CSMD1: variants seen among roughly 807,000 people sequenced by gnomAD.
CSMD1 encodes the protein CUB and Sushi multiple domains 1.
A neutral mutation model predicts 417.5 loss-of-function variants in CSMD1; 213 were observed. The observed-to-expected ratio is 0.51, with a 90% CI of 0.46 to 0.57. The LOEUF (loss-of-function observed/expected upper bound fraction) is 0.57, where lower values mean the gene tolerates loss of function less well. Ranked by LOEUF, CSMD1 falls within the 20% of genes least tolerant of loss-of-function variation. The pLI is 0.00. For missense variants in CSMD1, 6,923 were observed against 4,529.7 expected (o/e 1.53, Z -15.17); for synonymous variants, 2,862 against 1,736.8 (o/e 1.65, Z -16.11).
At chr8:3,970,348 G>A (rs941123868) in intron 5 of CSMD1, among the ~76,000 whole-genome samples, 3 of 152,102 alleles carry the variant, frequency 2.0e-5, no homozygotes, top group African/African-American at 2.4e-5. Context: ...GCATAAGATC[G>A]CAGCAGCTCA....
At chr8:3,032,266 A>G (rs188760678) in intron 50 of CSMD1, among the ~76,000 whole-genome samples, 4 of 152,152 alleles carry the variant, frequency 2.6e-5, no homozygotes, top group Admixed American at 2.6e-4. Context: ...ATACAAAAAA[A>G]ACTGAGTTTG....
chr8:4,719,691 A>C (rs1808925422), intron 1 of CSMD1, among the ~76,000 whole-genome samples: 1 of 152,162 alleles, frequency 6.6e-6, no homozygotes, highest in Non-Finnish European at 1.5e-5. Flanking sequence ...AAGTAATTTG[A>C]TTTATGTATT....
chr8:4,309,401 T>C (rs1372429714), intron 3 of CSMD1, among the ~76,000 whole-genome samples: 1 of 152,138 alleles, frequency 6.6e-6, no homozygotes, highest in East Asian at 1.9e-4. Flanking sequence ...CCTCAAAAGC[T>C]TTGGAAATTT....
chr8:3,283,276 C>T (rs527976528), intron 26 of CSMD1, among the ~76,000 whole-genome samples: 131 of 152,174 alleles, frequency 8.6e-4, no homozygotes, highest in African/African-American at 3.1e-3. Context: ...AGAGAGACTT[C>T]ATTACATAAA....
At chr8:4,052,675 A>T (rs1015115968) in intron 3 of CSMD1, among the ~76,000 whole-genome samples, 1 of 152,206 alleles carries the variant, frequency 6.6e-6, no homozygotes, top group African/African-American at 2.4e-5. Flanking sequence ...GAATCATCCC[A>T]TAATAAGTAA....
At chr8:3,567,591 G>C (rs976779669) in intron 10 of CSMD1, among the ~76,000 whole-genome samples, 1 of 151,648 alleles carries the variant, frequency 6.6e-6, no homozygotes, top group Non-Finnish European at 1.5e-5. Flanking sequence ...AGGAAGGAAA[G>C]GGAGAAAGAA....
At chr8:4,419,700 C>T (rs1797139505) in intron 3 of CSMD1, among the ~76,000 whole-genome samples, 1 of 152,072 alleles carries the variant, frequency 6.6e-6, no homozygotes, top group South Asian at 2.1e-4. Flanking sequence ...TTATTCGCTA[C>T]AAATTAACCA....
At chr8:3,557,997 CCTGTGT>C (rs1799231736) in intron 10 of CSMD1, among the ~76,000 whole-genome samples, 1 of 151,918 alleles carries the variant, frequency 6.6e-6, no homozygotes, top group Non-Finnish European at 1.5e-5. Flanking sequence ...TCAGTGGTAC[CCTGTGT>C]CCACTCCTCC....
intron 1 of CSMD1, among the ~76,000 whole-genome samples, chr8:4,972,563 G>C (rs1413056287): frequency 1.3e-5 from 2 of 152,106 alleles, no homozygotes; most frequent in Admixed American, 6.5e-5. Context: ...GGAACTGTGA[G>C]TCAATTAAAT....
intron 1 of CSMD1, among the ~76,000 whole-genome samples, chr8:4,842,397 T>C (rs776115192): frequency 1.3e-5 from 2 of 152,240 alleles, no homozygotes. Flanking sequence ...CCTTTTGCAA[T>C]CTTTAAAACT....
chr8:3,231,186 G>C (rs530304786), intron 26 of CSMD1, among the ~76,000 whole-genome samples: 1 of 152,016 alleles, frequency 6.6e-6, no homozygotes, highest in Non-Finnish European at 1.5e-5. Flanking sequence ...ATTATGTGTC[G>C]CACTGAAAAT....
intron 37 of CSMD1, among the ~76,000 whole-genome samples, chr8:3,164,726 G>C (rs1411957838): frequency 2.0e-5 from 3 of 152,082 alleles, no homozygotes; most frequent in African/African-American, 7.2e-5. Context: ...GACACACCAG[G>C]TGACACAGAA....
chr8:3,492,313 G>T (rs576897691), intron 11 of CSMD1, among the ~76,000 whole-genome samples: 1 of 152,102 alleles, frequency 6.6e-6, no homozygotes, highest in African/African-American at 2.4e-5. Flanking sequence ...CTCCTCAGAA[G>T]CCGCCCATGG....
intron 2 of CSMD1, among the ~76,000 whole-genome samples, chr8:4,595,259 G>C (rs1448356780): frequency 1.3e-5 from 2 of 151,144 alleles, no homozygotes; most frequent in Non-Finnish European, 1.5e-5. Context: ...GTAATTCTGA[G>C]ACAGGAAGGT....
chr8:3,288,724 A>G (rs546356554), intron 25 of CSMD1, among the ~76,000 whole-genome samples: 4 of 146,330 alleles, frequency 2.7e-5, no homozygotes, highest in Admixed American at 6.7e-5. Flanking sequence ...CAGTTTATCA[A>G]TTTTGTTGAT....
intron 51 of CSMD1, among the ~76,000 whole-genome samples, chr8:3,025,512 C>A (rs1322207480): frequency 6.6e-6 from 1 of 152,206 alleles, no homozygotes; most frequent in East Asian, 1.9e-4. Context: ...TGGTGTTATT[C>A]CGAAACAGCT....
intron 20 of CSMD1, among the ~76,000 whole-genome samples, chr8:3,366,768 G>A (rs1002869466): frequency 2.0e-5 from 3 of 152,208 alleles, no homozygotes; most frequent in Non-Finnish European, 4.4e-5. Flanking sequence ...GCAGAATGTA[G>A]TGACATCTAC....
chr8:3,441,654 G>C (rs1327744025), intron 12 of CSMD1, among the ~76,000 whole-genome samples: 1 of 152,006 alleles, frequency 6.6e-6, no homozygotes, highest in Non-Finnish European at 1.5e-5. Flanking sequence ...ATAGCACAAT[G>C]CATTGCGCAT....
chr8:3,436,334 T>A (rs1385155189), intron 12 of CSMD1, among the ~76,000 whole-genome samples: 2 of 152,188 alleles, frequency 1.3e-5, no homozygotes, highest in African/African-American at 4.8e-5. Context: ...TTAGAAGCCA[T>A]GAGACAGGTT....
Sources: gnomAD v4.1 joint callset for allele counts (sites outside exome capture counted in the v4.1 genomes callset) on GRCh38, gnomAD v4.1.1 for gene constraint, MANE v1.5 for transcripts, NCBI Gene and HGNC (gene_info 2026-07-23, HGNC 2026-07-21) for gene names.